DDX42: variants seen among roughly 807,000 people sequenced by gnomAD.
DDX42 encodes the protein ATP-dependent RNA helicase DDX42.
DDX42 carries 22 observed loss-of-function variants against 101.5 expected under a neutral mutation model. The observed-to-expected ratio is 0.22, with a 90% CI of 0.15 to 0.31. The LOEUF is 0.31. Ranked by LOEUF, DDX42 falls within the 10% of genes least tolerant of loss-of-function variation. The pLI is 1.00. For missense variants in DDX42, 849 were observed against 1,199.9 expected (o/e 0.71, Z 4.32); for synonymous variants, 402 against 401.2 (o/e 1.00, Z -0.02).
chr17:63,777,342 T>C (rs994614574), intron 1 of DDX42, among the ~76,000 whole-genome samples: 2 of 152,202 alleles, frequency 1.3e-5, no homozygotes, highest in Non-Finnish European at 2.9e-5. Context: ...ATTGAAAACA[T>C]GCTATAAGAG....
At chr17:63,794,055 A>G (rs1332374819) in intron 3 of DDX42, among the ~76,000 whole-genome samples, 1 of 152,044 alleles carries the variant, frequency 6.6e-6, no homozygotes, top group African/African-American at 2.4e-5. Context: ...CTCATTGGCC[A>G]AAATCTGTCA....
intron 2 of DDX42, 114 bp downstream of exon 2, chr17:63,787,384 T>C: frequency 9.2e-7 from 1 of 1,091,398 alleles, no homozygotes; most frequent in East Asian, 2.6e-5. Flanking sequence ...ATTCTTAAAT[T>C]ATGTGTCTCG....
intron 6 of DDX42, among the ~76,000 whole-genome samples, chr17:63,804,383 A>C (rs887662514): frequency 1.3e-5 from 2 of 152,180 alleles, no homozygotes; most frequent in Non-Finnish European, 2.9e-5. Flanking sequence ...AGAATAATAG[A>C]AGTGACTACT....
intron 1 of DDX42, among the ~76,000 whole-genome samples, chr17:63,782,708 G>C (rs1289867875): frequency 6.6e-6 from 1 of 151,966 alleles, no homozygotes; most frequent in Non-Finnish European, 1.5e-5. Context: ...TCAGAATTTT[G>C]TCGCTTTATA....
intron 9 of DDX42, 58 bp downstream of exon 9, chr17:63,807,958 G>T (rs1189540690): frequency 6.6e-7 from 1 of 1,509,734 alleles, no homozygotes; most frequent in Non-Finnish European, 8.9e-7. Context: ...GGACCAGCCA[G>T]TCAAGTGAGG....
chr17:63,812,352 C>G (rs2039920733), intron 14 of DDX42, 144 bp downstream of exon 14: 1 of 951,328 alleles, frequency 1.1e-6, no homozygotes, highest in Non-Finnish European at 1.5e-6. Context: ...CCCAAGGAAG[C>G]AGCAGTTCAG....
rs755449845 is a variant in DDX42, at chr17:63,813,235, T to G, written c.1683T>G (p.Gly561=). 1.2e-6 allele frequency: 2 copies of G among 1,602,490 alleles called. No homozygotes were observed. Among genetic ancestry groups the G allele is most frequent in the Non-Finnish European group, 1.7e-6 (2 of 1,171,052 alleles). Residue 561 remains glycine (G), a synonymous_variant, in exon 15 of 18, where the codon GGT becomes GGG. Transcript: ENST00000389924. ...GGTTGCTTTTTATTTCAGCCCGTGG[T>G]CTGGACATTCCTTCAATTAAGACTG... is the stretch of plus-strand genomic sequence containing the variant. ...VLVATDVAAR[G]LDIPSIKTVI...
intron 16 of DDX42, among the ~76,000 whole-genome samples, chr17:63,816,418 A>G (rs1450239023): frequency 6.6e-6 from 1 of 152,216 alleles, no homozygotes; most frequent in Non-Finnish European, 1.5e-5. Context: ...AATCTTCAAA[A>G]TAACTGAATG....
At chr17:63,799,180 A>G (rs547945729) in intron 4 of DDX42, among the ~76,000 whole-genome samples, 5 of 152,340 alleles carry the variant, frequency 3.3e-5, no homozygotes, top group Admixed American at 2.0e-4. Context: ...TTTGGGGACA[A>G]TAAGAAGGTT....
chr17:63,817,459 T>G, intron 17 of DDX42: 1 of 479,694 alleles, frequency 2.1e-6, no homozygotes, highest in Non-Finnish European at 3.7e-6. Flanking sequence ...TTCTAGCCAA[T>G]CAGGCTATAA....
Position 63,818,179 on chromosome 17 carries a change from A to T in DDX42, c.2598A>T (p.Gly866=). The T allele has an allele frequency of 6.2e-7, 1 of 1,613,972 alleles. No individual in the cohort carries two copies. The highest frequency in any genetic ancestry group is 8.5e-7 in the Non-Finnish European group (1 of 1,180,016). ...GGCACGGGGAGAACAGACATGGAGGAAGCGCAGGCCGGCATGGGGAGAACC... is the reference window on the plus strand; with the variant it reads ...GGCACGGGGAGAACAGACATGGAGGTAGCGCAGGCCGGCATGGGGAGAACC... ...GHRHGENRHG[G]SAGRHGENRG... Residue 866 remains glycine (G), a synonymous_variant, in exon 18 of 18, where the codon GGA becomes GGT. Transcript: ENST00000389924.
chr17:63,786,960 C>T, intron 1 of DDX42, 74 bp from the exon 2 acceptor site: 1 of 1,487,334 alleles, frequency 6.7e-7, no homozygotes, highest in South Asian at 1.2e-5. Flanking sequence ...ACAGGCGTGA[C>T]CCACCGCGCC....
chr17:63,785,921 G>C (rs1437574542), intron 1 of DDX42, among the ~76,000 whole-genome samples: 1 of 152,182 alleles, frequency 6.6e-6, no homozygotes, highest in Non-Finnish European at 1.5e-5. Context: ...ATAACCTCTA[G>C]TTTTCGGAGA....
chr17:63,778,081 G>T (rs2039442197), intron 1 of DDX42, among the ~76,000 whole-genome samples: 1 of 151,964 alleles, frequency 6.6e-6, no homozygotes, highest in Non-Finnish European at 1.5e-5. Context: ...CCTGGAAAGG[G>T]TTTTCGATAA....
intron 11 of DDX42, 31 bp from the exon 12 acceptor site, chr17:63,810,482 T>C: frequency 6.2e-7 from 1 of 1,611,158 alleles, no homozygotes; most frequent in Non-Finnish European, 8.5e-7. Flanking sequence ...TATTTCAGGT[T>C]ATAATAATTT....
chr17:63,789,350 A>T (rs1213621485), intron 2 of DDX42, among the ~76,000 whole-genome samples: 2 of 151,990 alleles, frequency 1.3e-5, no homozygotes. Flanking sequence ...AAATGCTGGA[A>T]TTAAAGGCCT....
chr17:63,815,228 A>G (rs1452427034), intron 15 of DDX42, among the ~76,000 whole-genome samples: 14 of 152,232 alleles, frequency 9.2e-5, no homozygotes, highest in Non-Finnish European at 1.6e-4. Flanking sequence ...GAAATAAAAT[A>G]TAAGCTCATT....
chr17:63,812,957 G>A (rs368671523), intron 14 of DDX42, among the ~76,000 whole-genome samples: 18 of 152,220 alleles, frequency 1.2e-4, no homozygotes, highest in Non-Finnish European at 1.3e-4. Context: ...CCAGGGAGTC[G>A]GAGGTTGCAG....
intron 8 of DDX42, among the ~76,000 whole-genome samples, chr17:63,807,085 A>T (rs548590297): frequency 6.6e-6 from 1 of 152,062 alleles, no homozygotes. Context: ...AAGGGGGGAA[A>T]ATTTTTAAAA....
Sources: allele counts gnomAD v4.1 joint callset (sites outside exome capture counted in the v4.1 genomes callset), GRCh38; gene constraint gnomAD v4.1.1; transcripts MANE v1.5; gene names NCBI Gene and HGNC (gene_info 2026-07-23, HGNC 2026-07-21).